The following OXSR1 variants were observed in gnomAD, a reference collection of about 807,000 sequenced individuals.
OXSR1 encodes serine/threonine-protein kinase OSR1.
Under a neutral mutation model 79.8 loss-of-function variants are expected in OXSR1, and 24 were observed. That is an observed-to-expected ratio of 0.30 (90% CI 0.22 to 0.42). The LOEUF (loss-of-function observed/expected upper bound fraction) is 0.42. OXSR1 is among the 10% of genes least tolerant of loss of function. The pLI is 1.00. For missense variants in OXSR1, 430 were observed against 618.4 expected, an observed-to-expected ratio of 0.70 and a Z score of 3.23; for synonymous variants, 226 against 209.2, an observed-to-expected ratio of 1.08 and a Z score of -0.69.
chr3:38,189,508 A>G (rs574951444), intron 2 of OXSR1, among the ~76,000 whole-genome samples: 2 of 152,226 alleles, frequency 1.3e-5, no homozygotes. Context: ...AGGAAGTTGC[A>G]TTCAAGTAAA....
chr3:38,197,112 T>G (rs1702084562), intron 3 of OXSR1, among the ~76,000 whole-genome samples: 2 of 152,230 alleles, frequency 1.3e-5, no homozygotes, highest in Non-Finnish European at 2.9e-5. Context: ...TGTGGTTGAT[T>G]AAGCAGAACA....
intron 5 of OXSR1, among the ~76,000 whole-genome samples, chr3:38,219,909 G>A (rs1444794293): frequency 1.3e-5 from 2 of 152,054 alleles, no homozygotes; most frequent in Non-Finnish European, 2.9e-5. Context: ...GTAGGCTCAA[G>A]CAGTCCTCCT....
chr3:38,230,002 C>T (rs985220412), intron 9 of OXSR1, among the ~76,000 whole-genome samples: 2 of 152,036 alleles, frequency 1.3e-5, no homozygotes, highest in Non-Finnish European at 2.9e-5. Context: ...GTGAAAAATA[C>T]CGAACTCTGG....
chr3:38,224,803 A>G, intron 8 of OXSR1, 99 bp downstream of exon 8: 1 of 823,444 alleles, frequency 1.2e-6, no homozygotes, highest in Non-Finnish European at 1.8e-6. Context: ...TTTCAAAAGA[A>G]CTAAATATAA....
intron 2 of OXSR1, among the ~76,000 whole-genome samples, chr3:38,188,756 C>T (rs963831598): frequency 3.9e-5 from 6 of 152,184 alleles, no homozygotes; most frequent in African/African-American, 1.4e-4. Context: ...CTTACCTTTC[C>T]TGTTGCAGTG....
intron 1 of OXSR1, among the ~76,000 whole-genome samples, chr3:38,181,278 A>G (rs1265099040): frequency 1.3e-5 from 2 of 151,358 alleles, no homozygotes; most frequent in Non-Finnish European, 2.9e-5. Flanking sequence ...TTTCAGTTGT[A>G]TAATTTCCAT....
intron 5 of OXSR1, among the ~76,000 whole-genome samples, chr3:38,216,964 C>G (rs1342773659): frequency 1.3e-5 from 2 of 151,978 alleles, no homozygotes; most frequent in Non-Finnish European, 2.9e-5. Context: ...AAAAGAGGAA[C>G]AAATGGTTTA....
intron 4 of OXSR1, among the ~76,000 whole-genome samples, chr3:38,212,840 C>A (rs1024058858): frequency 6.6e-6 from 1 of 152,152 alleles, no homozygotes; most frequent in African/African-American, 2.4e-5. Flanking sequence ...TAAAAAAGTT[C>A]TTTAACTGGG....
At position 38,225,567 on chromosome 3, in the gene OXSR1, A is replaced by ATT. The variant is rs970798866; in HGVS notation, c.836+873_836+874dup. On this transcript the variant is annotated intron_variant, in intron 8 of 17. Transcript: ENST00000311806. ...CAAAATTTATACCTGTGTTTTTATAATTTTTTTTTTTCTGTTTCTGAGTAA... is the reference window on the plus strand; with the variant it reads ...CAAAATTTATACCTGTGTTTTTATAATTTTTTTTTTTTTCTGTTTCTGAGTAA... Among the ~76,000 whole-genome samples the ATT allele has an allele frequency of 2.7e-5, 4 of 149,236 alleles. No individual in the cohort carries two copies. The Admixed American group carries it at 2.7e-4, about 10-fold the overall frequency.
chr3:38,252,285 T>C, intron 16 of OXSR1, 43 bp from the exon 17 acceptor site: 1 of 1,337,574 alleles, frequency 7.5e-7, no homozygotes, highest in Non-Finnish European at 1.1e-6. Context: ...AGTGGATTTA[T>C]GTAACTTCTC....
intron 3 of OXSR1, among the ~76,000 whole-genome samples, chr3:38,192,624 A>C (rs1348398269): frequency 1.3e-5 from 2 of 152,246 alleles, no homozygotes; most frequent in Non-Finnish European, 2.9e-5. Context: ...ATATACAAGT[A>C]TTTCTACTTT....
chr3:38,244,397 A>G (rs1703094315), intron 12 of OXSR1, among the ~76,000 whole-genome samples: 1 of 152,136 alleles, frequency 6.6e-6, no homozygotes, highest in South Asian at 2.1e-4. Flanking sequence ...GAACTATTTT[A>G]TCTTCCCATA....
At chr3:38,222,133 G>A (rs1169459001) in intron 6 of OXSR1, among the ~76,000 whole-genome samples, 1 of 152,132 alleles carries the variant, frequency 6.6e-6, no homozygotes, top group Admixed American at 6.5e-5. Context: ...CACCCTGTTG[G>A]TGAGGGAAGG....
At chr3:38,230,542 C>T (rs191656863) in intron 10 of OXSR1, 112 bp downstream of exon 10, 51 of 733,056 alleles carry the variant, frequency 7.0e-5, no homozygotes, top group Admixed American at 5.9e-4. Context: ...GGTTTTCTGT[C>T]GATCCTTTCT....
intron 3 of OXSR1, among the ~76,000 whole-genome samples, chr3:38,198,411 G>A (rs1040965951): frequency 6.6e-6 from 1 of 152,066 alleles, no homozygotes; most frequent in Non-Finnish European, 1.5e-5. Context: ...TCTTATAATA[G>A]TACTGACGAG....
chr3:38,185,344 G>A (rs1019631386), intron 2 of OXSR1, among the ~76,000 whole-genome samples: 14 of 152,164 alleles, frequency 9.2e-5, no homozygotes, highest in African/African-American at 3.4e-4. Context: ...CACCACTTTG[G>A]GAGGCCAAGG....
chr3:38,254,974 C>T lies in OXSR1; in HGVS notation c.*2083C>T, dbSNP rs1703336099. On this transcript the variant is annotated 3_prime_UTR_variant, in exon 18 of 18. Coordinates refer to ENST00000311806, the MANE Select transcript of OXSR1 (RefSeq NM_005109.3). The stretch of plus-strand genomic sequence containing the variant: ...GCCCTGCTAGGAATTAGAAGACAGA[C>T]ACCATGTCCCAGGACAGTGTTACTT... The T allele has an allele frequency of 6.5e-6, 1 of 152,678 alleles. No individual in the cohort carries two copies. The highest frequency in any genetic ancestry group is 2.4e-5 in the African/African-American group (1 of 41,442). 9.5% of individuals were successfully genotyped at this position (152,678 alleles called of 1,614,324 possible).
At chr3:38,223,985 T>C (rs149824) in intron 7 of OXSR1, 72 bp downstream of exon 7, 1 of 891,348 alleles carries the variant, frequency 1.1e-6, no homozygotes, top group Admixed American at 2.6e-5. Flanking sequence ...GCCAGTCTTT[T>C]AATTTTTTTT....
At chr3:38,233,700 G>A (rs766535727) in intron 10 of OXSR1, among the ~76,000 whole-genome samples, 4 of 152,016 alleles carry the variant, frequency 2.6e-5, no homozygotes, top group Non-Finnish European at 5.9e-5. Context: ...GATTGCTTGA[G>A]CTCAGGAGTT....
Sources: allele counts gnomAD v4.1 joint callset (sites outside exome capture counted in the v4.1 genomes callset), GRCh38; gene constraint gnomAD v4.1.1; transcripts MANE v1.5; gene names NCBI Gene and HGNC (gene_info 2026-07-23, HGNC 2026-07-21).